Variants in PSCA observed in about 807,000 individuals in gnomAD.
PSCA encodes the protein prostate stem cell antigen.
PSCA carries 7 observed loss-of-function variants against 7.9 expected under a neutral mutation model. The observed-to-expected ratio is 0.89, with a 90% CI of 0.51 to 1.67. The LOEUF (loss-of-function observed/expected upper bound fraction) is 1.67. Ranked by LOEUF, PSCA falls within the 40% of genes most tolerant of loss-of-function variation. The pLI is 0.00. For synonymous variants in PSCA, 61 were observed against 68.3 expected (o/e 0.89, Z 0.53); for missense variants, 151 against 147.9 (o/e 1.02, Z -0.11).
At chr8:142,679,654 G>T (rs782253734), upstream of PSCA, among the ~76,000 whole-genome samples, 2 of 152,210 alleles carry the variant, frequency 1.3e-5, 1 homozygote, top group South Asian at 4.1e-4. Context: ...CAGGTTATAG[G>T]TGGATTTAAA....
Position 142,680,551 on chromosome 8 carries a change from G to A in PSCA, c.13G>A (p.Ala5Thr). The change falls in exon 1 of 3, where the codon GCC (alanine) becomes ACC (threonine). Residue 5 changes from alanine to threonine, a missense_variant. Ala to Thr is a moderately conservative substitution (Grantham distance 58). Coordinates refer to ENST00000301258, the MANE Select transcript of PSCA (RefSeq NM_005672.5). ...GCTTGCCCTGTTGATGGCAGGCTTG[G>A]CCCTGCAGCCAGGTGAGGCCTTGGC... The part of the protein sequence containing the change: MAGL[A>T]LQPGTALLCY... 2 of 1,554,200 alleles carry A rather than the reference G, an allele frequency of 1.3e-6. No homozygotes were observed. The highest frequency in any genetic ancestry group is 1.7e-6 in the Non-Finnish European group (2 of 1,148,378).
intron 1 of PSCA, among the ~76,000 whole-genome samples, chr8:142,670,890 G>A (rs1554637316): frequency 6.6e-6 from 1 of 152,196 alleles, no homozygotes; most frequent in Non-Finnish European, 1.5e-5. Context: ...ACTTCTCAAG[G>A]ATGCTAAAAT....
chr8:142,680,834 G>T (rs1162473075), intron 1 of PSCA: 1 of 577,654 alleles, frequency 1.7e-6, no homozygotes, highest in Non-Finnish European at 3.1e-6. Context: ...TGGCTCCTAG[G>T]GGGCAGGTAG....
chr8:142,681,807 C>G, intron 2 of PSCA, 114 bp from the exon 3 acceptor site: 2 of 781,122 alleles, frequency 2.6e-6, no homozygotes, highest in South Asian at 1.8e-5. Flanking sequence ...AATCCTGAGG[C>G]CAGCCCAGGG....
At chr8:142,681,183 G>A in intron 1 of PSCA, 144 bp from the exon 2 acceptor site, 1 of 614,374 alleles carries the variant, frequency 1.6e-6, no homozygotes, top group Non-Finnish European at 2.9e-6. Flanking sequence ...GGGCCGTGAA[G>A]ATGGGGAGGA....
Position 142,673,911 on chromosome 8 carries a change from C to G in PSCA, n.261+3343C>G, listed in dbSNP as rs1005083245. Reference sequence around the variant, plus strand: ...GGTCCCTGGAATAACGGCTGGGAGTCGTTTCAGTCTAACCTCAGCAGAGCT... The same window carrying G: ...GGTCCCTGGAATAACGGCTGGGAGTGGTTTCAGTCTAACCTCAGCAGAGCT... On this transcript the variant is annotated intron_variant and non_coding_transcript_variant, in intron 1 of 1. Transcript: ENST00000505305. The surrounding 1 kb of genome is among the most constrained non-coding windows in gnomAD (Gnocchi z 4.6). 6.6e-6 allele frequency among the ~76,000 whole-genome samples: 1 copy of G among 152,164 alleles called. No individual in the cohort carries two copies. Among genetic ancestry groups the G allele is most frequent in the Non-Finnish European group, 1.5e-5 (1 of 68,048 alleles).
chr8:142,679,265 G>A (rs1206041708), upstream of PSCA, among the ~76,000 whole-genome samples: 1 of 152,194 alleles, frequency 6.6e-6, no homozygotes, highest in Non-Finnish European at 1.5e-5. Context: ...GCACTTCCCC[G>A]ACTCGTTTGC....
chr8:142,675,909 A>G (rs1847395412), upstream of PSCA: 1 of 152,250 alleles, frequency 6.6e-6, no homozygotes, highest in Non-Finnish European at 1.5e-5. Context: ...TTTGCAAGTG[A>G]CATGCTATCT....
chr8:142,674,927 C>A (rs1847381154), intron 1 of PSCA, among the ~76,000 whole-genome samples: 1 of 152,258 alleles, frequency 6.6e-6, no homozygotes, highest in South Asian at 2.1e-4. Flanking sequence ...GCCACAAGGC[C>A]ACGCCGGAGC....
At chr8:142,675,837 C>T (rs1340734603), upstream of PSCA, 1 of 152,274 alleles carries the variant, frequency 6.6e-6, no homozygotes, top group African/African-American at 2.4e-5. Flanking sequence ...AGTGGGTTTT[C>T]CTCCTGATCT....
chr8:142,680,796 C>T, intron 1 of PSCA: 1 of 603,806 alleles, frequency 1.7e-6, no homozygotes, highest in Non-Finnish European at 2.9e-6. Flanking sequence ...CACGGAGTCA[C>T]TCTCCTTCAC....
chr8:142,674,464 A>G (rs1365048996), intron 1 of PSCA, among the ~76,000 whole-genome samples: 1 of 152,216 alleles, frequency 6.6e-6, no homozygotes, highest in Non-Finnish European at 1.5e-5. Flanking sequence ...AGATCCCCTC[A>G]TCTTCCTCAT....
At position 142,680,564 on chromosome 8, in the gene PSCA, G is replaced by T. The variant is rs782033406; in HGVS notation, c.25+1G>T. ...ATGGCAGGCTTGGCCCTGCAGCCAG[G>T]TGAGGCCTTGGCTGGCCCCCAGCAG... is the stretch of plus-strand genomic sequence containing the variant. On this transcript the variant is annotated splice_donor_variant, in intron 1 of 2. Transcript: ENST00000301258. LOFTEE classifies it high-confidence loss of function. The T allele has an allele frequency of 1.3e-6, 2 of 1,554,174 alleles. No homozygotes were observed. Among genetic ancestry groups the T allele is most frequent in the Admixed American group, 2.0e-5 (1 of 51,278 alleles).
rs1273633675 is a variant in PSCA at position 142,681,924 on chromosome 8, C to A, written c.137C>A (p.Ala46Glu). 1.3e-6 allele frequency: 2 copies of A among 1,534,962 alleles called. No individual in the cohort carries two copies. The highest frequency in any genetic ancestry group is 2.7e-5 in the African/African-American group (2 of 73,612). The change falls in exon 3 of 3, where the codon GCA (alanine) becomes GAA (glutamate). Residue 46 changes from alanine (A) to glutamate (E), a missense_variant. Physicochemically the swap from Ala to Glu is moderately radical, Grantham distance 107. Coordinates refer to ENST00000301258, the MANE Select transcript of PSCA (RefSeq NM_005672.5). ...GEQCWTARIRAVGLLTVISKG... is the reference protein window; with the variant it reads ...GEQCWTARIREVGLLTVISKG... Reference sequence around the variant, plus strand: ...CCCGGATCCCGCTGCTCCCCAGGCGCAGTTGGCCTCCTGACCGTCATCAGC... The same window carrying A: ...CCCGGATCCCGCTGCTCCCCAGGCGAAGTTGGCCTCCTGACCGTCATCAGC...
At chr8:142,677,071 C>T (rs1482246915), upstream of PSCA, among the ~76,000 whole-genome samples, 1 of 152,192 alleles carries the variant, frequency 6.6e-6, no homozygotes, top group Non-Finnish European at 1.5e-5. Context: ...AGGGCTCAGC[C>T]AGTGGCCAGG....
intron 2 of PSCA, 194 bp downstream of exon 2, chr8:142,681,628 T>C: frequency 1.6e-6 from 1 of 628,944 alleles, no homozygotes; most frequent in Non-Finnish European, 2.9e-6. Flanking sequence ...TCCACTCATC[T>C]GTCCCTCCCC....
upstream of PSCA, chr8:142,676,614 C>A (rs889630342): frequency 3.3e-5 from 5 of 152,232 alleles, no homozygotes; most frequent in African/African-American, 1.2e-4. Context: ...AACCTTGGAT[C>A]TCTTCTCAAA....
rs782141134 is a variant in PSCA, at chr8:142,682,350, C to A, written c.*218C>A. On this transcript the variant is annotated 3_prime_UTR_variant, in exon 3 of 3. Coordinates refer to ENST00000301258, the MANE Select transcript of PSCA (RefSeq NM_005672.5). The stretch of plus-strand genomic sequence containing the variant: ...GCAGATCGGCTCTATTGACACAGAT[C>A]CGCCTGCAGATGGCCCCTCCAACCC... The A allele has an allele frequency of 1.4e-6, 1 of 708,712 alleles. No homozygotes were observed. Among genetic ancestry groups the A allele is most frequent in the African/African-American group, 1.7e-5 (1 of 57,464 alleles). 43.9% of individuals were successfully genotyped at this position (708,712 alleles called of 1,614,324 possible). A position where few individuals can be genotyped will look rare whatever the true frequency, so the allele number is the denominator to read the frequency against.
rs1563805366 is a variant in PSCA, at chr8:142,681,332, G to A, written c.31G>A (p.Ala11Thr). The change falls in exon 2 of 3, where the codon GCC becomes ACC. Residue 11 changes from alanine (A) to threonine (T), a missense_variant. Transcript: ENST00000301258. MAGLALQPGT[A>T]LLCYSCKAQV... Reference sequence around the variant, plus strand: ...CCTCCCACTCCACCCCACAGGCACTGCCCTGCTGTGCTACTCCTGCAAAGC... The same window carrying A: ...CCTCCCACTCCACCCCACAGGCACTACCCTGCTGTGCTACTCCTGCAAAGC... 7 of 1,559,628 alleles carry A rather than the reference G, an allele frequency of 4.5e-6. No individual in the cohort carries two copies. The highest frequency in any genetic ancestry group is 6.1e-6 in the Non-Finnish European group (7 of 1,151,766).
Sources: allele counts gnomAD v4.1 joint callset (sites outside exome capture counted in the v4.1 genomes callset), GRCh38; gene constraint gnomAD v4.1.1; non-coding constraint Gnocchi (gnomAD v3.1); transcripts MANE v1.5; gene names NCBI Gene and HGNC (gene_info 2026-07-23, HGNC 2026-07-21).